TAOK3: variants seen among roughly 807,000 people sequenced by gnomAD.
TAOK3 encodes TAO kinase 3, also known as serine/threonine-protein kinase TAO3.
A neutral mutation model predicts 120.4 loss-of-function variants in TAOK3; 40 were observed. The ratio of observed to expected loss-of-function variants is 0.33; its 90% CI spans 0.26 to 0.43. TAOK3 has a LOEUF of 0.43. Among genes scored for constraint, TAOK3 ranks in the 20% least tolerant of loss-of-function variants. The pLI is 1.00. For missense variants in TAOK3, 821 were observed against 1,112.1 expected, an observed-to-expected ratio of 0.74 and a Z score of 3.72; for synonymous variants, 355 against 387.5, an observed-to-expected ratio of 0.92 and a Z score of 0.99.
At chr12:118,195,433 A>C (rs2037665184) in intron 13 of TAOK3, among the ~76,000 whole-genome samples, 1 of 152,246 alleles carries the variant, frequency 6.6e-6, no homozygotes, top group East Asian at 1.9e-4. Flanking sequence ...GAAGCAGGCT[A>C]GATGACAAGG....
At position 118,310,938 on chromosome 12, in the gene TAOK3, T is replaced by C. The variant is rs959426796; in HGVS notation, c.-193-44179A>G. On this transcript the variant is annotated intron_variant, in intron 1 of 20. Coordinates refer to ENST00000392533, the MANE Select transcript of TAOK3 (RefSeq NM_016281.4). ...AACTACATTATTCCCCCACAAATAATAGTTATTTTAATCTATATCCACAAA... is the reference window on the plus strand; with the variant it reads ...AACTACATTATTCCCCCACAAATAACAGTTATTTTAATCTATATCCACAAA... Among the ~76,000 whole-genome samples, 5 of 152,278 alleles carry C rather than the reference T, an allele frequency of 3.3e-5. No individual in the cohort carries two copies. In the South Asian group the frequency reaches 6.2e-4, roughly 19 times the overall value.
chr12:118,242,283 T>A (rs913601776), intron 5 of TAOK3, among the ~76,000 whole-genome samples: 1 of 152,214 alleles, frequency 6.6e-6, no homozygotes, highest in Admixed American at 6.5e-5. Context: ...TGTCTTTGAT[T>A]AATTTCTTAT....
chr12:118,331,670 A>T (rs12829818), intron 1 of TAOK3, among the ~76,000 whole-genome samples: 1 of 148,728 alleles, frequency 6.7e-6, no homozygotes, highest in Non-Finnish European at 1.5e-5. Flanking sequence ...AAAAAAAAAG[A>T]ATAATATCTG....
At chr12:118,164,735 T>C in intron 17 of TAOK3, among the ~76,000 whole-genome samples, 1 of 152,144 alleles carries the variant, frequency 6.6e-6, no homozygotes, top group Admixed American at 6.5e-5. Flanking sequence ...GTACTTTAAA[T>C]TAGAACAATA....
intron 1 of TAOK3, among the ~76,000 whole-genome samples, chr12:118,363,444 TAAG>T (rs2045658756): frequency 1.3e-5 from 2 of 152,262 alleles, no homozygotes; most frequent in Admixed American, 1.3e-4. Flanking sequence ...CTTTTAAAAT[TAAG>T]AATATGGATA....
intron 1 of TAOK3, among the ~76,000 whole-genome samples, chr12:118,343,581 A>G (rs186591516): frequency 3.5e-4 from 54 of 152,348 alleles, no homozygotes; most frequent in Non-Finnish European, 6.8e-4. Context: ...GTGCACCTGC[A>G]AACTGCAGAA....
intron 4 of TAOK3, among the ~76,000 whole-genome samples, chr12:118,244,354 C>T (rs2040383725): frequency 6.6e-6 from 1 of 152,066 alleles, no homozygotes; most frequent in Non-Finnish European, 1.5e-5. Flanking sequence ...TAAGCCACCT[C>T]ATCCAGCCTG....
chr12:118,260,759 C>A (rs1234991068), intron 2 of TAOK3, among the ~76,000 whole-genome samples: 1 of 152,204 alleles, frequency 6.6e-6, no homozygotes, highest in Non-Finnish European at 1.5e-5. Context: ...CAGCTCACTG[C>A]AACCTCTGCC....
intron 1 of TAOK3, among the ~76,000 whole-genome samples, chr12:118,337,924 G>A (rs1446798268): frequency 6.6e-6 from 1 of 152,146 alleles, no homozygotes; most frequent in African/African-American, 2.4e-5. Context: ...CAAGGATGGG[G>A]AACTGTATCA....
chr12:118,372,586 C>T lies in TAOK3; in HGVS notation c.-194+62G>A, dbSNP rs572618039. The T allele has an allele frequency of 5.1e-5, 8 of 156,982 alleles. No homozygotes were observed. In the South Asian group the frequency reaches 1.4e-3, roughly 28 times the overall value. 9.7% of individuals were successfully genotyped at this position (156,982 alleles called of 1,614,324 possible). A position where few individuals can be genotyped will look rare whatever the true frequency, so the allele number is the denominator to read the frequency against. On this transcript the variant is annotated intron_variant, in intron 1 of 20. Coordinates refer to ENST00000392533, the MANE Select transcript of TAOK3 (RefSeq NM_016281.4). The surrounding 1 kb of genome is among the most constrained non-coding windows in gnomAD (Gnocchi z 4.6). ...GAGCCCGCTCCCGCAACTCCCCTCA[C>T]TCTGCCTGGGGTCCCGCCGCCTCGG...
chr12:118,368,190 C>T (rs1483775701), intron 1 of TAOK3, among the ~76,000 whole-genome samples: 1 of 152,122 alleles, frequency 6.6e-6, no homozygotes, highest in Non-Finnish European at 1.5e-5. Context: ...ATCTTAACGA[C>T]TTTTGGTTAT....
intron 19 of TAOK3, among the ~76,000 whole-genome samples, chr12:118,158,684 A>G (rs939171581): frequency 1.3e-5 from 2 of 152,170 alleles, no homozygotes; most frequent in African/African-American, 2.4e-5. Flanking sequence ...CTCTTTACCT[A>G]TATTTGCCAC....
chr12:118,295,510 TA>T (rs2042645981), intron 1 of TAOK3: 1 of 152,222 alleles, frequency 6.6e-6, no homozygotes. Flanking sequence ...TTATAACTCT[TA>T]AAATGAAAGT....
At chr12:118,342,325 G>A (rs1318113891) in intron 1 of TAOK3, among the ~76,000 whole-genome samples, 1 of 152,128 alleles carries the variant, frequency 6.6e-6, no homozygotes, top group Non-Finnish European at 1.5e-5. Context: ...ATCAGGAAAA[G>A]TTTTATTAGC....
At chr12:118,330,160 A>C (rs2044083694) in intron 1 of TAOK3, among the ~76,000 whole-genome samples, 1 of 152,174 alleles carries the variant, frequency 6.6e-6, no homozygotes, top group Non-Finnish European at 1.5e-5. Context: ...TAGAGATGTG[A>C]GGATGAGAAA....
At chr12:118,217,665 T>C (rs759004974) in intron 9 of TAOK3, among the ~76,000 whole-genome samples, 8 of 150,518 alleles carry the variant, frequency 5.3e-5, no homozygotes, top group Non-Finnish European at 5.9e-5. Flanking sequence ...GCCTGAGTGA[T>C]GGAGTGAGAC....
At chr12:118,216,828 C>T (rs2038926360) in intron 9 of TAOK3, among the ~76,000 whole-genome samples, 1 of 150,088 alleles carries the variant, frequency 6.7e-6, no homozygotes, top group Non-Finnish European at 1.5e-5. Context: ...ACTTGGGAGG[C>T]TGAGGCAGGA....
At chr12:118,312,216 G>A (rs2043289584) in intron 1 of TAOK3, among the ~76,000 whole-genome samples, 1 of 151,718 alleles carries the variant, frequency 6.6e-6, no homozygotes, top group African/African-American at 2.4e-5. Context: ...AGAAGCCAGG[G>A]GAAACAGGCA....
rs1465468291 is a variant in TAOK3, at chr12:118,182,612, TATATATATATA to T, written c.1330-1016_1330-1006del. ...GTGTGTGTGTGTGTATATATATATATATATATATATATTTTTTTTTTTTTTTAAGGATCATG... is the reference window on the plus strand; with the variant it reads ...GTGTGTGTGTGTGTATATATATATATTTTTTTTTTTTTTTTAAGGATCATG... On this transcript the variant is annotated intron_variant, in intron 14 of 20. Coordinates refer to ENST00000392533, the MANE Select transcript of TAOK3 (RefSeq NM_016281.4). 4.2e-4 allele frequency among the ~76,000 whole-genome samples: 36 copies of T among 85,624 alleles called. No homozygotes were observed. The South Asian group carries it at 0.013, about 30-fold the overall frequency. 56.2% of individuals were successfully genotyped at this position (85,624 alleles called of 152,430 possible).
Sources: gnomAD v4.1 joint callset for allele counts (sites outside exome capture counted in the v4.1 genomes callset) on GRCh38, gnomAD v4.1.1 for gene constraint, Gnocchi (gnomAD v3.1) non-coding constraint, MANE v1.5 for transcripts, NCBI Gene and HGNC (gene_info 2026-07-23, HGNC 2026-07-21) for gene names.